The following MPP7 variants were observed in gnomAD, a reference collection of about 807,000 sequenced individuals.
MPP7 encodes the protein MAGUK p55 scaffold protein 7, also known as MAGUK p55 subfamily member 7.
In MPP7, 60 loss-of-function variants were observed where a neutral mutation model predicts 76.5. The observed-to-expected ratio is 0.78, with a 90% CI of 0.64 to 0.97. The LOEUF is 0.97. Among genes scored for constraint, MPP7 ranks in the 50% least tolerant of loss-of-function variants. The pLI, the probability that MPP7 is intolerant of heterozygous loss-of-function variation, is 0.00. For missense variants in MPP7, 641 were observed against 694.0 expected, an observed-to-expected ratio of 0.92 and a Z score of 0.86; for synonymous variants, 237 against 244.5, an observed-to-expected ratio of 0.97 and a Z score of 0.29.
At position 28,090,475 on chromosome 10, in the gene MPP7, CTGAT is replaced by C. The variant is rs1338053272; in HGVS notation, c.953-638_953-635del. Among the ~76,000 whole-genome samples the C allele has an allele frequency of 5.3e-5, 8 of 152,230 alleles. No individual in the cohort carries two copies. The South Asian group carries it at 8.3e-4, about 16-fold the overall frequency. On this transcript the variant is annotated intron_variant, in intron 11 of 16. Coordinates refer to ENST00000683449, the MANE Select transcript of MPP7 (RefSeq NM_001318170.2). ...GTCAAAAATCATAATTTATCAAGAA[CTGAT>C]TGGTAAACACATTTGATATGAAAAA...
At chr10:28,181,863 C>T (rs1335193604) in intron 3 of MPP7, among the ~76,000 whole-genome samples, 1 of 152,150 alleles carries the variant, frequency 6.6e-6, no homozygotes, top group African/African-American at 2.4e-5. Context: ...CTAGAGCCAG[C>T]ACATAAAAAT....
chr10:28,211,093 T>C (rs1447666423), intron 2 of MPP7, among the ~76,000 whole-genome samples: 1 of 150,128 alleles, frequency 6.7e-6, no homozygotes, highest in Non-Finnish European at 1.5e-5. Flanking sequence ...TATGTCACTG[T>C]CTCACTGTCT....
chr10:28,197,623 T>A (rs1044209794), intron 3 of MPP7, among the ~76,000 whole-genome samples: 3 of 152,176 alleles, frequency 2.0e-5, no homozygotes, highest in Non-Finnish European at 4.4e-5. Flanking sequence ...TATCTTAGAA[T>A]ACTGTAATCA....
intron 16 of MPP7, among the ~76,000 whole-genome samples, chr10:28,055,082 G>T (rs1445482902): frequency 6.6e-6 from 1 of 152,180 alleles, no homozygotes; most frequent in Non-Finnish European, 1.5e-5. Context: ...TAACATAAAT[G>T]TAAGAGAGCC....
chr10:28,263,585 T>A (rs1324132885), intron 1 of MPP7, among the ~76,000 whole-genome samples: 1 of 151,720 alleles, frequency 6.6e-6, no homozygotes. Flanking sequence ...CACTGAAGTG[T>A]TTCCCTTTCT....
chr10:28,215,842 G>C (rs1292041275), intron 2 of MPP7, among the ~76,000 whole-genome samples: 1 of 152,110 alleles, frequency 6.6e-6, no homozygotes, highest in African/African-American at 2.4e-5. Context: ...AACAACTTAT[G>C]TAAGCATCTT....
At chr10:28,310,358 C>A (rs1841283019) in intron 2 of MPP7, among the ~76,000 whole-genome samples, 1 of 152,016 alleles carries the variant, frequency 6.6e-6, no homozygotes, top group East Asian at 1.9e-4. Context: ...CAAAAATGGC[C>A]TAACACACAG....
chr10:28,115,011 A>C (rs1174722982), intron 11 of MPP7, among the ~76,000 whole-genome samples: 1 of 152,220 alleles, frequency 6.6e-6, no homozygotes, highest in Non-Finnish European at 1.5e-5. Context: ...CTTTCCACCC[A>C]AACTCTGAAC....
intron 2 of MPP7, among the ~76,000 whole-genome samples, chr10:28,219,524 G>C (rs1264257844): frequency 6.6e-6 from 1 of 152,020 alleles, no homozygotes; most frequent in African/African-American, 2.4e-5. Context: ...ATTAGTACAA[G>C]TCTGGGGAAG....
At chr10:28,111,019 T>G (rs996734155) in intron 11 of MPP7, among the ~76,000 whole-genome samples, 3 of 152,214 alleles carry the variant, frequency 2.0e-5, no homozygotes, top group Non-Finnish European at 1.5e-5. Context: ...AGTACATTTG[T>G]AAGTTGATTG....
At chr10:28,191,359 C>T (rs568714132) in intron 3 of MPP7, among the ~76,000 whole-genome samples, 85 of 152,150 alleles carry the variant, frequency 5.6e-4, no homozygotes, top group African/African-American at 2.0e-3. Context: ...ACAGCCTAAC[C>T]GTACTTACAA....
chr10:28,158,871 G>A (rs1836160787), intron 3 of MPP7, among the ~76,000 whole-genome samples: 1 of 152,138 alleles, frequency 6.6e-6, no homozygotes, highest in Admixed American at 6.5e-5. Flanking sequence ...CAATAATGTG[G>A]CCAACTTCTG....
intron 1 of MPP7, among the ~76,000 whole-genome samples, chr10:28,252,618 G>A (rs1316143101): frequency 6.6e-6 from 1 of 152,188 alleles, no homozygotes; most frequent in African/African-American, 2.4e-5. Context: ...TTCAATATGT[G>A]AAAAGGCAAG....
At chr10:28,166,400 ATTTTTTT>A (rs34887665) in intron 3 of MPP7, among the ~76,000 whole-genome samples, 59 of 93,434 alleles carry the variant, frequency 6.3e-4, no homozygotes, top group Non-Finnish European at 1.1e-3. Context: ...TTACCTTTTA[ATTTTTTT>A]TTTTTTTTTT....
At chr10:28,105,966 G>A (rs77391771) in intron 11 of MPP7, among the ~76,000 whole-genome samples, 174 of 152,270 alleles carry the variant, frequency 1.1e-3, no homozygotes, top group African/African-American at 4.0e-3. Context: ...CAGAGTGTCT[G>A]TGAGCCACCA....
At chr10:28,332,217 A>C (rs1305336109) in intron 1 of MPP7, among the ~76,000 whole-genome samples, 1 of 149,124 alleles carries the variant, frequency 6.7e-6, no homozygotes, top group African/African-American at 2.5e-5. Flanking sequence ...TGTTTGAGAC[A>C]CGTACATTGC....
intron 3 of MPP7, among the ~76,000 whole-genome samples, chr10:28,168,157 C>T (rs577785319): frequency 1.3e-5 from 2 of 152,200 alleles, no homozygotes; most frequent in Admixed American, 1.3e-4. Flanking sequence ...ATCGCTTGAA[C>T]TCAGTAGGCG....
intron 3 of MPP7, among the ~76,000 whole-genome samples, chr10:28,152,566 C>A (rs1416656303): frequency 2.0e-5 from 3 of 152,170 alleles, no homozygotes; most frequent in Admixed American, 2.0e-4. Flanking sequence ...TAGCCGTTTG[C>A]CCAATATGGT....
intron 15 of MPP7, among the ~76,000 whole-genome samples, chr10:28,058,017 T>C (rs1238408439): frequency 1.3e-5 from 2 of 152,188 alleles, no homozygotes; most frequent in Admixed American, 6.5e-5. Flanking sequence ...TTTCATTCAG[T>C]ACATTTCCTG....
Sources: gnomAD v4.1 joint callset for allele counts (sites outside exome capture counted in the v4.1 genomes callset) on GRCh38, gnomAD v4.1.1 for gene constraint, MANE v1.5 for transcripts, NCBI Gene and HGNC (gene_info 2026-07-23, HGNC 2026-07-21) for gene names.